Variants in FBXO30 observed in about 807,000 individuals in gnomAD.
FBXO30 encodes F-box protein 30.
FBXO30 carries 21 observed loss-of-function variants against 58.1 expected under a neutral mutation model. The ratio of observed to expected loss-of-function variants is 0.36; its 90% CI spans 0.26 to 0.52. The LOEUF is 0.52. Ranked by LOEUF, FBXO30 falls within the 20% of genes least tolerant of loss-of-function variation. The probability of loss-of-function intolerance (pLI) is 0.93; values close to 1 mark genes in which losing one functional copy is unlikely to be tolerated. For synonymous variants in FBXO30, 309 were observed against 312.4 expected (o/e 0.99, Z 0.11); for missense variants, 744 against 897.3 (o/e 0.83, Z 2.18).
chr6:145,799,113 G>A lies in FBXO30; in HGVS notation c.*993C>T, dbSNP rs1427310975. ...GAAATTAACTCGGAAATGTTTCAAA[G>A]AGATTGTCAACCAAGACAGGTTTCT... On this transcript the variant is annotated 3_prime_UTR_variant, in exon 3 of 3. Coordinates refer to ENST00000237281, the MANE Select transcript of FBXO30 (RefSeq NM_032145.5). 6.6e-6 allele frequency: 1 copy of A among 151,762 alleles called. No individual in the cohort carries two copies. Among genetic ancestry groups the A allele is most frequent in the Non-Finnish European group, 1.5e-5 (1 of 67,888 alleles). The allele number at this position is 151,762 out of a possible 1,614,324, so 9.4% of individuals were successfully genotyped here. A position where few individuals can be genotyped will look rare whatever the true frequency, so the allele number is the denominator to read the frequency against.
intron 2 of FBXO30, among the ~76,000 whole-genome samples, chr6:145,800,823 G>A (rs1447947495): frequency 3.3e-5 from 5 of 151,880 alleles, no homozygotes; most frequent in East Asian, 3.9e-4. Context: ...TTCTTTTTCC[G>A]CTGTTCACAA....
chr6:145,813,982 C>CTTCCAAGCAAAGGAG (rs1778420535), intron 1 of FBXO30, among the ~76,000 whole-genome samples: 1 of 152,148 alleles, frequency 6.6e-6, no homozygotes, highest in Non-Finnish European at 1.5e-5. Context: ...CTATAAACCC[C>CTTCCAAGCAAAGGAG]TTCCAAGCAA....
Position 145,805,363 on chromosome 6 carries a change from T to C in FBXO30, c.1043A>G (p.Asn348Ser). Residue 348 changes from asparagine to serine, a missense_variant, in exon 2 of 3, where the codon AAT becomes AGT. Around this residue, in one of 3 missense-constraint regions of FBXO30, gnomAD observed 275 missense variants for 262.0 expected, o/e 1.05. Coordinates refer to ENST00000237281, the MANE Select transcript of FBXO30 (RefSeq NM_032145.5). Reference sequence around the variant, plus strand: ...CATGAGGATATGCTGAACTGTGCCATTAGGCAAAGCACTGGATGGTATTAT... The same window carrying C: ...CATGAGGATATGCTGAACTGTGCCACTAGGCAAAGCACTGGATGGTATTAT... ...REIIPSSALP[N>S]GTVQHILMPD... 6.2e-7 allele frequency: 1 copy of C among 1,614,096 alleles called. No individual in the cohort carries two copies. Among genetic ancestry groups the C allele is most frequent in the Non-Finnish European group, 8.5e-7 (1 of 1,179,984 alleles).
At chr6:145,811,413 C>T (rs895776573) in intron 1 of FBXO30, among the ~76,000 whole-genome samples, 1 of 152,128 alleles carries the variant, frequency 6.6e-6, no homozygotes, top group African/African-American at 2.4e-5. Context: ...TAGGACGAAT[C>T]ATCTATCAAA....
chr6:145,813,498 G>A (rs1778392561), intron 1 of FBXO30, among the ~76,000 whole-genome samples: 1 of 152,146 alleles, frequency 6.6e-6, no homozygotes, highest in African/African-American at 2.4e-5. Flanking sequence ...CTAACCCTCT[G>A]AAAAATCCTA....
chr6:145,806,336 G>A lies in FBXO30; in HGVS notation c.70C>T (p.Pro24Ser), dbSNP rs1271318653. 6.2e-7 allele frequency: 1 copy of A among 1,613,882 alleles called. No homozygotes were observed. The highest frequency in any genetic ancestry group is 1.7e-5 in the Admixed American group (1 of 59,922). ...VSRRCMTRPE[P>S]GISCDLIGCP... ...CCAATCAAATCACAGGAAATCCCTGGCTCTGGCCTGGTCATGCACCGTCTA... is the reference window on the plus strand; with the variant it reads ...CCAATCAAATCACAGGAAATCCCTGACTCTGGCCTGGTCATGCACCGTCTA... Residue 24 changes from proline (P) to serine (S), a missense_variant, in exon 2 of 3, where the codon CCA becomes TCA. Physicochemically the swap from Pro to Ser is moderately conservative, Grantham distance 74. This residue lies in a region of FBXO30 where 135 missense variants were observed against 201.6 expected (regional missense o/e 0.67). Coordinates refer to ENST00000237281, the MANE Select transcript of FBXO30 (RefSeq NM_032145.5).
At position 145,805,364 on chromosome 6, in the gene FBXO30, T is replaced by C. The variant is rs1345371710; in HGVS notation, c.1042A>G (p.Asn348Asp). 4 of 1,614,084 alleles carry C rather than the reference T, an allele frequency of 2.5e-6. No homozygotes were observed. The highest frequency in any genetic ancestry group is 1.6e-4 in the Middle Eastern group (1 of 6,062). Residue 348 changes from asparagine to aspartate, a missense_variant, in exon 2 of 3, where the codon AAT becomes GAT. Asn to Asp is a conservative substitution (Grantham distance 23). Around this residue, in one of 3 missense-constraint regions of FBXO30, gnomAD observed 275 missense variants for 262.0 expected, o/e 1.05. Coordinates refer to ENST00000237281, the MANE Select transcript of FBXO30 (RefSeq NM_032145.5). ...ATGAGGATATGCTGAACTGTGCCAT[T>C]AGGCAAAGCACTGGATGGTATTATT... is the stretch of plus-strand genomic sequence containing the variant. Reference protein sequence around the residue: ...REIIPSSALPNGTVQHILMPD... With the variant: ...REIIPSSALPDGTVQHILMPD...
rs1199483885 is a variant in FBXO30, at chr6:145,796,074, G to T, written c.*4032C>A. ...TCCTGCATTCGTAAAGTGAAAAAGTGATCTATGTAAGGACATAATTCTCTC... is the reference window on the plus strand; with the variant it reads ...TCCTGCATTCGTAAAGTGAAAAAGTTATCTATGTAAGGACATAATTCTCTC... On this transcript the variant is annotated 3_prime_UTR_variant, in exon 3 of 3. Transcript: ENST00000237281. The T allele has an allele frequency of 1.3e-5, 2 of 151,904 alleles. No homozygotes were observed. Among genetic ancestry groups the T allele is most frequent in the East Asian group, 3.8e-4 (2 of 5,198 alleles). 9.4% of individuals were successfully genotyped at this position (151,904 alleles called of 1,614,324 possible).
chr6:145,810,598 C>A (rs1277700764), intron 1 of FBXO30, among the ~76,000 whole-genome samples: 1 of 152,160 alleles, frequency 6.6e-6, no homozygotes, highest in African/African-American at 2.4e-5. Flanking sequence ...GAGAGAAGTT[C>A]TTTGCCAACT....
chr6:145,813,690 A>G (rs966560613), intron 1 of FBXO30, among the ~76,000 whole-genome samples: 1 of 108 alleles, frequency 9.3e-3, no homozygotes, highest in African/African-American at 0.05. Context: ...TTTTGTATTA[A>G]AAGATTTTAA....
intron 1 of FBXO30, among the ~76,000 whole-genome samples, chr6:145,808,247 A>C (rs564709394): frequency 8.3e-4 from 125 of 150,640 alleles, no homozygotes; most frequent in African/African-American, 2.5e-3. Context: ...CCAAAAAAAA[A>C]CGTCTAATTT....
chr6:145,803,437 C>T (rs1242892041), intron 2 of FBXO30, among the ~76,000 whole-genome samples: 1 of 152,044 alleles, frequency 6.6e-6, no homozygotes, highest in Non-Finnish European at 1.5e-5. Context: ...GCAATGAATG[C>T]AAGAAAACCT....
Position 145,794,864 on chromosome 6 carries a change from G to A in FBXO30, c.*5242C>T, listed in dbSNP as rs1334160115. The A allele has an allele frequency of 1.3e-5, 2 of 151,726 alleles. No homozygotes were observed. Among genetic ancestry groups the A allele is most frequent in the Non-Finnish European group, 3.0e-5 (2 of 67,776 alleles). 9.4% of individuals were successfully genotyped at this position (151,726 alleles called of 1,614,324 possible). A position where few individuals can be genotyped will look rare whatever the true frequency, so the allele number is the denominator to read the frequency against. On this transcript the variant is annotated 3_prime_UTR_variant, in exon 3 of 3. Transcript: ENST00000237281. ...TAAGTTACTTAAATCTAAAATTACT[G>A]ACGAAAATGACTAAATTCAGGGTCA...
At position 145,799,588 on chromosome 6, in the gene FBXO30, T is replaced by C. The variant is rs1430539096; in HGVS notation, c.*518A>G. On this transcript the variant is annotated 3_prime_UTR_variant, in exon 3 of 3. Coordinates refer to ENST00000237281, the MANE Select transcript of FBXO30 (RefSeq NM_032145.5). ...CTTTATGATTTTACGTATGTAAGTA[T>C]ATATTAGAGATCATTTGTGCATTAA... 6.6e-6 allele frequency: 1 copy of C among 152,650 alleles called. No individual in the cohort carries two copies. Among genetic ancestry groups the C allele is most frequent in the Admixed American group, 6.6e-5 (1 of 15,248 alleles). The allele number at this position is 152,650 out of a possible 1,614,324, so 9.5% of individuals were successfully genotyped here.
Position 145,804,493 on chromosome 6 carries a change from CAT to C in FBXO30, c.1911_1912del (p.Val639IlefsTer44). The C allele has an allele frequency of 2.5e-6, 4 of 1,613,750 alleles. No homozygotes were observed. The highest frequency in any genetic ancestry group is 3.4e-6 in the Non-Finnish European group (4 of 1,179,792). The stretch of plus-strand genomic sequence containing the variant: ...CACATCCCTCATTAACTTGGATACA[CAT>C]GAGAGCTGACATAAGCTGAAGCCAT... On this transcript the variant is annotated frameshift_variant, in exon 2 of 3. Transcript: ENST00000237281. LOFTEE classifies it high-confidence loss of function.
chr6:145,810,099 A>C, intron 1 of FBXO30, among the ~76,000 whole-genome samples: 1 of 152,308 alleles, frequency 6.6e-6, no homozygotes, highest in Middle Eastern at 3.4e-3. Flanking sequence ...TATATGTTTT[A>C]AATTATTTGA....
At position 145,796,441 on chromosome 6, in the gene FBXO30, T is replaced by C. The variant is rs985642321; in HGVS notation, c.*3665A>G. The C allele has an allele frequency of 6.6e-6, 1 of 151,956 alleles. No homozygotes were observed. The highest frequency in any genetic ancestry group is 1.5e-5 in the Non-Finnish European group (1 of 67,874). 9.4% of individuals were successfully genotyped at this position (151,956 alleles called of 1,614,324 possible). A position where few individuals can be genotyped will look rare whatever the true frequency, so the allele number is the denominator to read the frequency against. On this transcript the variant is annotated 3_prime_UTR_variant, in exon 3 of 3. Coordinates refer to ENST00000237281, the MANE Select transcript of FBXO30 (RefSeq NM_032145.5). ...AATATTCTCTGCTTCCTAGACCTTA[T>C]GAGCATCTTAAGTAAGACTACTTAA... is the stretch of plus-strand genomic sequence containing the variant.
In FBXO30 at chr6:145,804,870, T is replaced by C; in HGVS notation, c.1536A>G (p.Gln512=). The C allele has an allele frequency of 6.2e-7, 1 of 1,613,822 alleles. No homozygotes were observed. The stretch of plus-strand genomic sequence containing the variant: ...AGGTAAACATTGAACGCTGCTTGGG[T>C]TGGTACCTAGCGACACATTCCAATA... ...DLVLECVARY[Q]PKQRSMFTFV... is the part of the protein sequence containing the mutation. The change falls in exon 2 of 3, where the codon CAA becomes CAG. Residue 512 remains glutamine, a synonymous_variant. Transcript: ENST00000237281.
chr6:145,796,345 G>C lies in FBXO30; in HGVS notation c.*3761C>G, dbSNP rs1370711981. 6.6e-6 allele frequency: 1 copy of C among 151,872 alleles called. No homozygotes were observed. Among genetic ancestry groups the C allele is most frequent in the African/African-American group, 2.4e-5 (1 of 41,380 alleles). The allele number at this position is 151,872 out of a possible 1,614,324, so 9.4% of individuals were successfully genotyped here. A position where few individuals can be genotyped will look rare whatever the true frequency, so the allele number is the denominator to read the frequency against. ...CTTTTTTGGAAATCAGACAAATCCT[G>C]TCAAACCCCATTATTAAATTATCTT... On this transcript the variant is annotated 3_prime_UTR_variant, in exon 3 of 3. Coordinates refer to ENST00000237281, the MANE Select transcript of FBXO30 (RefSeq NM_032145.5).
Sources: allele counts gnomAD v4.1 joint callset (sites outside exome capture counted in the v4.1 genomes callset), GRCh38; gene constraint gnomAD v4.1.1; regional missense constraint gnomAD v4.1.1; transcripts MANE v1.5; gene names NCBI Gene and HGNC (gene_info 2026-07-23, HGNC 2026-07-21).